Variants in PHLDB2 observed in about 807,000 individuals in gnomAD.
The protein encoded by PHLDB2 is pleckstrin homology-like domain family B member 2.
In PHLDB2, 71 loss-of-function variants were observed where a neutral mutation model predicts 123.6. The observed-to-expected ratio is 0.57, with a 90% CI of 0.47 to 0.70. PHLDB2 has a LOEUF of 0.70. Among genes scored for constraint, PHLDB2 ranks in the 30% least tolerant of loss-of-function variants. PHLDB2 has a pLI of 0.00. For missense variants in PHLDB2, 1,446 were observed against 1,519.5 expected (o/e 0.95, Z 0.80); for synonymous variants, 547 against 541.6 (o/e 1.01, Z -0.14).
intron 2 of PHLDB2, 60 bp downstream of exon 2, chr3:111,885,472 A>T: frequency 6.2e-7 from 1 of 1,601,396 alleles, no homozygotes; most frequent in South Asian, 1.1e-5. Flanking sequence ...TCTACAGGGC[A>T]GCCTTGGAGA....
chr3:111,973,652 T>C (rs892881363), intron 16 of PHLDB2, 80 bp from the exon 17 acceptor site: 8 of 752,864 alleles, frequency 1.1e-5, no homozygotes, highest in Admixed American at 8.2e-5. Flanking sequence ...AATATTTTAA[T>C]GATTATAATT....
rs549878997 is a variant in PHLDB2 at position 111,905,479 on chromosome 3, C to A, written c.1336-7840C>A. 2.6e-5 allele frequency among the ~76,000 whole-genome samples: 4 copies of A among 152,250 alleles called. No individual in the cohort carries two copies. The East Asian group carries it at 7.7e-4, about 29-fold the overall frequency. ...TCAAGTGATCCTCCCACCTCAGCCTCCCAAGTAGCTGGGACTACAGGTGCG... is the reference window on the plus strand; with the variant it reads ...TCAAGTGATCCTCCCACCTCAGCCTACCAAGTAGCTGGGACTACAGGTGCG... On this transcript the variant is annotated intron_variant, in intron 2 of 17. Coordinates refer to ENST00000431670, the MANE Select transcript of PHLDB2 (RefSeq NM_001134438.2).
At position 111,913,425 on chromosome 3, in the gene PHLDB2, A is replaced by G. The variant is rs2068001708; in HGVS notation, c.1442A>G (p.Lys481Arg). The change falls in exon 3 of 18, where the codon AAG becomes AGG. Residue 481 changes from lysine (K) to arginine (R), a missense_variant. Physicochemically the swap from Lys to Arg is conservative, Grantham distance 26. Transcript: ENST00000431670. ...GTGGAAGATGTGCAGAAAATCAACA[A>G]GGAGCTTGAGAAGCTGCAGCTCTCT... Reference protein sequence around the residue: ...TTVEDVQKINKELEKLQLSDE... With the variant: ...TTVEDVQKINRELEKLQLSDE... The G allele has an allele frequency of 6.2e-7, 1 of 1,614,150 alleles. No homozygotes were observed.
At chr3:111,782,045 A>C (rs2060494773) in intron 1 of PHLDB2, among the ~76,000 whole-genome samples, 1 of 152,104 alleles carries the variant, frequency 6.6e-6, no homozygotes, top group South Asian at 2.1e-4. Flanking sequence ...AGCTCTGTTT[A>C]CTTATGTACT....
At chr3:111,920,161 G>T in intron 4 of PHLDB2, 121 bp from the exon 5 acceptor site, 1 of 1,123,900 alleles carries the variant, frequency 8.9e-7, no homozygotes, top group Non-Finnish European at 1.2e-6. Context: ...TCAGGCACCC[G>T]ATCTGGCTGC....
At chr3:111,792,143 T>C (rs2060954142) in intron 1 of PHLDB2, among the ~76,000 whole-genome samples, 1 of 152,208 alleles carries the variant, frequency 6.6e-6, no homozygotes, top group Admixed American at 6.5e-5. Context: ...GATTACTGTC[T>C]TTTTGCTTCC....
chr3:111,948,970 C>T lies in PHLDB2; in HGVS notation c.2526C>T (p.Gly842=). Residue 842 remains glycine (G), a synonymous_variant, in exon 10 of 18, where the codon GGC becomes GGT. Transcript: ENST00000431670. ...ISVNEINEPC[G]NSTNLSPSTQ... is the part of the protein sequence containing the mutation. The stretch of plus-strand genomic sequence containing the variant: ...TAAATGAGATTAATGAGCCGTGTGG[C>T]AATTCCACGAATCTATCCCCTTCCA... 6.2e-7 allele frequency: 1 copy of T among 1,613,982 alleles called. No individual in the cohort carries two copies. Among genetic ancestry groups the T allele is most frequent in the Non-Finnish European group, 8.5e-7 (1 of 1,179,916 alleles).
intron 1 of PHLDB2, among the ~76,000 whole-genome samples, chr3:111,771,038 C>T (rs1310280721): frequency 5.3e-5 from 8 of 152,134 alleles, no homozygotes; most frequent in African/African-American, 1.9e-4. Context: ...GTGCAGCTGC[C>T]CCTTTCTTTA....
upstream of PHLDB2, among the ~76,000 whole-genome samples, chr3:111,856,823 G>C (rs773265220): frequency 2.0e-5 from 3 of 152,172 alleles, no homozygotes; most frequent in African/African-American, 4.8e-5. Context: ...CTGCCTGCCT[G>C]CCTTACATTC....
chr3:111,886,899 C>G (rs2066198415), intron 2 of PHLDB2, among the ~76,000 whole-genome samples: 1 of 152,158 alleles, frequency 6.6e-6, no homozygotes, highest in South Asian at 2.1e-4. Flanking sequence ...ATACAAAAGT[C>G]TTGTATATGG....
At chr3:111,855,963 G>A (rs923934390), upstream of PHLDB2, among the ~76,000 whole-genome samples, 4 of 152,144 alleles carry the variant, frequency 2.6e-5, no homozygotes, top group Admixed American at 6.5e-5. Flanking sequence ...TGCACCTTCA[G>A]GGTGGTCTCG....
At chr3:111,951,281 C>A (rs891041183) in intron 10 of PHLDB2, among the ~76,000 whole-genome samples, 15 of 152,182 alleles carry the variant, frequency 9.9e-5, no homozygotes, top group Admixed American at 8.5e-4. Context: ...CCTCTCTGCC[C>A]CCTAGATTTC....
At chr3:111,801,975 A>C (rs754548502) in intron 1 of PHLDB2, among the ~76,000 whole-genome samples, 1 of 83,254 alleles carries the variant, frequency 1.2e-5, no homozygotes, top group Non-Finnish European at 2.9e-5. Context: ...CACAAATATC[A>C]TCAAATTCTA....
In PHLDB2 at chr3:111,825,054, C is replaced by G. The variant is rs536789950; in HGVS notation, c.-48-20767C>G. On this transcript the variant is annotated intron_variant, in intron 1 of 17. Transcript: ENST00000393923. ...TAAAGGAAGACTATTTCATGGTAAA[C>G]CCCTGAGAAGAAATTTTTGTGCTTT... is the stretch of plus-strand genomic sequence containing the variant. 2.0e-5 allele frequency among the ~76,000 whole-genome samples: 3 copies of G among 152,216 alleles called. No individual in the cohort carries two copies. In the South Asian group the frequency reaches 6.2e-4, roughly 32 times the overall value.
chr3:111,864,872 C>T (rs2064993809), intron 1 of PHLDB2, among the ~76,000 whole-genome samples: 1 of 152,214 alleles, frequency 6.6e-6, no homozygotes, highest in Non-Finnish European at 1.5e-5. Flanking sequence ...AGACTTGCTG[C>T]TAATTCAGTG....
chr3:111,821,700 C>T (rs2062392289), intron 1 of PHLDB2, among the ~76,000 whole-genome samples: 1 of 152,132 alleles, frequency 6.6e-6, no homozygotes, highest in Admixed American at 6.6e-5. Flanking sequence ...ATCTGGGTAC[C>T]ATGATGTAGT....
intron 6 of PHLDB2, among the ~76,000 whole-genome samples, chr3:111,938,525 G>T (rs778910739): frequency 2.6e-5 from 4 of 151,952 alleles, no homozygotes; most frequent in Non-Finnish European, 4.4e-5. Context: ...TTAAAATCGT[G>T]TATACATACT....
chr3:111,766,289 A>C (rs1359470864), intron 1 of PHLDB2, among the ~76,000 whole-genome samples: 1 of 151,220 alleles, frequency 6.6e-6, no homozygotes, highest in South Asian at 2.1e-4. Context: ...ACAACAACAA[A>C]AAAATTAGCC....
At chr3:111,928,559 A>G (rs934565682) in intron 5 of PHLDB2, among the ~76,000 whole-genome samples, 21 of 152,326 alleles carry the variant, frequency 1.4e-4, no homozygotes, top group African/African-American at 3.6e-4. Flanking sequence ...GGACAGGATC[A>G]ATTGCTCTCT....
Sources: allele counts gnomAD v4.1 joint callset (sites outside exome capture counted in the v4.1 genomes callset), GRCh38; gene constraint gnomAD v4.1.1; transcripts MANE v1.5; gene names NCBI Gene and HGNC (gene_info 2026-07-23, HGNC 2026-07-21).